Variants in SHANK2 observed in about 807,000 individuals in gnomAD.
SHANK2 encodes SH3 and multiple ankyrin repeat domains 2.
SHANK2 carries 43 observed loss-of-function variants against 133.7 expected under a neutral mutation model. The ratio of observed to expected loss-of-function variants is 0.32; its 90% confidence interval spans 0.25 to 0.41. The LOEUF is 0.41. Ranked by LOEUF, SHANK2 falls within the 10% of genes least tolerant of loss-of-function variation. SHANK2 has a pLI of 1.00. For synonymous variants in SHANK2, 1,017 were observed against 952.8 expected, an observed-to-expected ratio of 1.07 and a Z score of -1.24; for missense variants, 1,994 against 2,235.8, an observed-to-expected ratio of 0.89 and a Z score of 2.18.
At chr11:70,570,547 G>A (rs1323824932) in intron 17 of SHANK2, 6 of 152,438 alleles carry the variant, frequency 3.9e-5, no homozygotes, top group Admixed American at 6.5e-5. Context: ...CCTTTGGACA[G>A]GGCTAGCTCC....
intron 17 of SHANK2, among the ~76,000 whole-genome samples, chr11:70,529,426 C>T (rs2135966398): frequency 6.6e-6 from 1 of 152,330 alleles, no homozygotes; most frequent in East Asian, 1.9e-4. Flanking sequence ...CCCATTACCA[C>T]CCAAAACCCC....
intron 10 of SHANK2, among the ~76,000 whole-genome samples, chr11:70,925,081 G>A (rs1458212467): frequency 7.2e-5 from 11 of 152,142 alleles, no homozygotes; most frequent in African/African-American, 2.4e-4. Context: ...AACTCTCCAT[G>A]GCGGTCGACA....
intron 10 of SHANK2, chr11:70,943,000 T>G: frequency 2.2e-6 from 1 of 452,602 alleles, no homozygotes; most frequent in Admixed American, 2.4e-5. Flanking sequence ...CATGAACCAT[T>G]CATTGTAATA....
intron 13 of SHANK2, among the ~76,000 whole-genome samples, chr11:70,802,988 G>C (rs547171231): frequency 5.9e-5 from 9 of 152,302 alleles, no homozygotes; most frequent in Non-Finnish European, 1.2e-4. Flanking sequence ...TCAGAGGCCT[G>C]TGTGGCCTGG....
At chr11:70,502,485 G>C (rs1461973952) in intron 18 of SHANK2, among the ~76,000 whole-genome samples, 199 bp from the exon 19 acceptor site, 1 of 152,140 alleles carries the variant, frequency 6.6e-6, no homozygotes, top group African/African-American at 2.4e-5. Context: ...CTGCAGTGCA[G>C]GCCCTCATGG....
At chr11:70,612,462 G>A (rs1378437356) in intron 17 of SHANK2, among the ~76,000 whole-genome samples, 1 of 152,214 alleles carries the variant, frequency 6.6e-6, no homozygotes, top group Non-Finnish European at 1.5e-5. Flanking sequence ...ACATATGCAT[G>A]CGTGCATACA....
intron 8 of SHANK2, among the ~76,000 whole-genome samples, chr11:71,083,508 C>A (rs1419766330): frequency 6.6e-6 from 1 of 152,112 alleles, no homozygotes. Context: ...GGTGAGCCAG[C>A]GAGCGATGAG....
intron 17 of SHANK2, 127 bp downstream of exon 17, chr11:70,659,701 A>C (rs2061456182): frequency 1.7e-6 from 2 of 1,168,074 alleles, no homozygotes; most frequent in Admixed American, 3.9e-5. Context: ...TGACCAATGA[A>C]AGTTCATGGC....
intron 17 of SHANK2, among the ~76,000 whole-genome samples, chr11:70,584,613 A>T (rs989964014): frequency 4.6e-5 from 7 of 151,932 alleles, no homozygotes; most frequent in Non-Finnish European, 1.0e-4. Context: ...ACCCACTTAC[A>T]CTGCCTACTT....
chr11:70,836,724 G>A (rs1948823822), intron 11 of SHANK2, among the ~76,000 whole-genome samples: 1 of 152,216 alleles, frequency 6.6e-6, no homozygotes. Context: ...GGCCCACCCA[G>A]CAGCTCCCCT....
intron 17 of SHANK2, chr11:70,604,380 GC>G (rs1266898700): frequency 6.6e-6 from 1 of 152,370 alleles, no homozygotes; most frequent in African/African-American, 2.4e-5. Context: ...GGGGCACACA[GC>G]TACGTGGAGG....
At chr11:70,852,008 A>G (rs1017383361) in intron 11 of SHANK2, among the ~76,000 whole-genome samples, 34 of 152,204 alleles carry the variant, frequency 2.2e-4, no homozygotes, top group Non-Finnish European at 8.8e-5. Flanking sequence ...TACTCCTGAA[A>G]GCCGTGAAAA....
intron 17 of SHANK2, among the ~76,000 whole-genome samples, chr11:70,645,665 C>T (rs2061250322): frequency 6.6e-6 from 1 of 152,218 alleles, no homozygotes; most frequent in African/African-American, 2.4e-5. Flanking sequence ...CCACCTGCCA[C>T]AGGCCCTCAG....
chr11:70,855,848 T>A (rs1490297331), intron 11 of SHANK2, among the ~76,000 whole-genome samples: 1 of 151,954 alleles, frequency 6.6e-6, no homozygotes, highest in Non-Finnish European at 1.5e-5. Flanking sequence ...AATGAATGGA[T>A]AAATAGATAA....
chr11:70,531,251 A>G (rs1426174376), intron 17 of SHANK2, among the ~76,000 whole-genome samples: 3 of 151,708 alleles, frequency 2.0e-5, no homozygotes, highest in Non-Finnish European at 2.9e-5. Flanking sequence ...TTTAAAAGGG[A>G]GAGGCATGGC....
intron 11 of SHANK2, among the ~76,000 whole-genome samples, chr11:70,847,970 G>A (rs923355072): frequency 2.0e-5 from 3 of 152,236 alleles, no homozygotes; most frequent in Non-Finnish European, 4.4e-5. Flanking sequence ...GGTGACCGTG[G>A]CTGGAGGGGA....
chr11:70,648,421 G>A (rs782543190), intron 17 of SHANK2, among the ~76,000 whole-genome samples: 12 of 152,140 alleles, frequency 7.9e-5, no homozygotes, highest in Non-Finnish European at 1.5e-4. Context: ...CTTGTTATGC[G>A]GACACTGTCT....
chr11:71,159,432 A>C (rs1952966267), intron 2 of SHANK2, among the ~76,000 whole-genome samples: 1 of 152,170 alleles, frequency 6.6e-6, no homozygotes, highest in African/African-American at 2.4e-5. Context: ...CTCCCATCTC[A>C]AGATCCTTAA....
intron 2 of SHANK2, among the ~76,000 whole-genome samples, chr11:71,187,656 A>G (rs1555114690): frequency 6.6e-6 from 1 of 152,198 alleles, no homozygotes; most frequent in African/African-American, 2.4e-5. Flanking sequence ...AGGAATGTAC[A>G]GACCCAGGCA....
Sources: allele counts gnomAD v4.1 joint callset (sites outside exome capture counted in the v4.1 genomes callset), GRCh38; gene constraint gnomAD v4.1.1; transcripts MANE v1.5; gene names NCBI Gene and HGNC (gene_info 2026-07-23, HGNC 2026-07-21).